Variants in AHCYL2 observed in about 807,000 individuals in gnomAD.
AHCYL2 encodes adenosylhomocysteinase like 2.
AHCYL2 carries 28 observed loss-of-function variants against 81.4 expected under a neutral mutation model. The ratio of observed to expected loss-of-function variants is 0.34; its 90% confidence interval spans 0.25 to 0.47. The LOEUF (loss-of-function observed/expected upper bound fraction) is 0.47. AHCYL2 is among the 20% of genes least tolerant of loss of function. AHCYL2 has a pLI of 1.00. For synonymous variants in AHCYL2, 272 were observed against 290.2 expected (o/e 0.94, Z 0.64); for missense variants, 551 against 785.1 (o/e 0.70, Z 3.56).
At chr7:129,330,946 T>G (rs1798398036) in intron 1 of AHCYL2, among the ~76,000 whole-genome samples, 1 of 152,138 alleles carries the variant, frequency 6.6e-6, no homozygotes, top group Non-Finnish European at 1.5e-5. Context: ...CTTGCATAAA[T>G]AAAAATGAGA....
chr7:129,322,546 G>T (rs1235777304), intron 1 of AHCYL2, among the ~76,000 whole-genome samples: 1 of 152,144 alleles, frequency 6.6e-6, no homozygotes, highest in African/African-American at 2.4e-5. Context: ...GCCTTTCAAA[G>T]TATTTGTTGA....
At chr7:129,324,201 T>C (rs1798139377) in intron 1 of AHCYL2, among the ~76,000 whole-genome samples, 1 of 152,156 alleles carries the variant, frequency 6.6e-6, no homozygotes, top group Non-Finnish European at 1.5e-5. Context: ...TTTTGATTAA[T>C]ATTAGCATAG....
chr7:129,321,714 C>T (rs1018617847), intron 1 of AHCYL2, among the ~76,000 whole-genome samples: 2 of 137,346 alleles, frequency 1.5e-5, no homozygotes, highest in East Asian at 2.1e-4. Flanking sequence ...TTTCTGGGAG[C>T]GTTTGTATGG....
intron 1 of AHCYL2, among the ~76,000 whole-genome samples, chr7:129,355,174 G>A (rs555150572): frequency 7.2e-5 from 11 of 152,224 alleles, no homozygotes; most frequent in African/African-American, 1.2e-4. Flanking sequence ...CTGTAAACAC[G>A]TGTCCTGTTC....
intron 1 of AHCYL2, chr7:129,375,712 G>A: frequency 6.9e-7 from 1 of 1,444,096 alleles, no homozygotes; most frequent in Non-Finnish European, 9.0e-7. Flanking sequence ...GGTTGTTGGA[G>A]CTGCTTCAGG....
chr7:129,259,868 G>A (rs1369845184), intron 1 of AHCYL2, among the ~76,000 whole-genome samples: 1 of 152,156 alleles, frequency 6.6e-6, no homozygotes, highest in African/African-American at 2.4e-5. Flanking sequence ...TCTGAGGTCA[G>A]GAGTTCGAGA....
intron 1 of AHCYL2, 120 bp from the exon 2 acceptor site, chr7:129,379,517 AC>A (rs1274302492): frequency 2.9e-6 from 2 of 693,520 alleles, no homozygotes; most frequent in East Asian, 5.4e-5. Flanking sequence ...AATATCCCAA[AC>A]ATAGGTTGAT....
intron 1 of AHCYL2, among the ~76,000 whole-genome samples, chr7:129,278,430 G>A (rs1038711758): frequency 4.6e-5 from 7 of 151,896 alleles, no homozygotes; most frequent in African/African-American, 1.7e-4. Flanking sequence ...ATTGAGTTTT[G>A]AGAGTTATTT....
chr7:129,306,225 T>C (rs1216227668), intron 1 of AHCYL2, among the ~76,000 whole-genome samples: 1 of 152,194 alleles, frequency 6.6e-6, no homozygotes, highest in East Asian at 1.9e-4. Flanking sequence ...AACTCTTATA[T>C]TTGCCCTTTT....
chr7:129,409,443 T>A (rs1242548306), intron 10 of AHCYL2, 33 bp from the exon 11 acceptor site: 1 of 1,592,156 alleles, frequency 6.3e-7, no homozygotes, highest in African/African-American at 1.3e-5. Flanking sequence ...CAGCTGCCTG[T>A]TTAGGTTAAT....
At chr7:129,420,766 A>C (rs911790629) in intron 12 of AHCYL2, among the ~76,000 whole-genome samples, 6 of 152,038 alleles carry the variant, frequency 3.9e-5, no homozygotes, top group African/African-American at 1.4e-4. Context: ...GATTACAGGC[A>C]TGAACCACTG....
intron 1 of AHCYL2, among the ~76,000 whole-genome samples, chr7:129,327,773 G>A (rs542435279): frequency 6.1e-4 from 92 of 151,098 alleles, no homozygotes; most frequent in African/African-American, 2.0e-3. Flanking sequence ...CAAGAAGAAA[G>A]ATATTTTAAT....
At chr7:129,283,094 T>G (rs1796506083) in intron 1 of AHCYL2, among the ~76,000 whole-genome samples, 1 of 152,134 alleles carries the variant, frequency 6.6e-6, no homozygotes, top group Admixed American at 6.5e-5. Flanking sequence ...ACTGAGTACT[T>G]AAGAGGAGCC....
intron 4 of AHCYL2, among the ~76,000 whole-genome samples, chr7:129,391,100 A>G (rs1388574749): frequency 2.0e-5 from 3 of 152,196 alleles, no homozygotes; most frequent in Admixed American, 6.5e-5. Context: ...ACAATCAGAT[A>G]TTTGTACTAT....
In AHCYL2 at chr7:129,406,353, T is replaced by A; in HGVS notation, c.1207-25T>A. The stretch of plus-strand genomic sequence containing the variant: ...TGGTTTTCTCAGTGACTTTCCTTAA[T>A]ATGTGTGCTCTCTCCCCTCTTCAGG... On this transcript the variant is annotated intron_variant, in intron 9 of 16. Transcript: ENST00000325006. This position sits in a 1 kb window ranked among gnomAD's most constrained non-coding sequence, Gnocchi z 4.3. The A allele has an allele frequency of 6.2e-7, 1 of 1,607,132 alleles. No homozygotes were observed. The highest frequency in any genetic ancestry group is 2.2e-5 in the East Asian group (1 of 44,852).
At chr7:129,228,190 T>A (rs1276381912) in intron 1 of AHCYL2, among the ~76,000 whole-genome samples, 1 of 152,212 alleles carries the variant, frequency 6.6e-6, no homozygotes, top group Non-Finnish European at 1.5e-5. Context: ...TGGTGACTGT[T>A]GCATTTGTTT....
intron 1 of AHCYL2, among the ~76,000 whole-genome samples, chr7:129,312,230 G>A (rs563448902): frequency 2.5e-4 from 38 of 152,234 alleles, no homozygotes; most frequent in African/African-American, 7.2e-4. Flanking sequence ...GACCACAAGC[G>A]TTCACCACCA....
In AHCYL2 at chr7:129,428,222, C is replaced by T. The variant is rs1479432033; in HGVS notation, c.*1177C>T. On this transcript the variant is annotated 3_prime_UTR_variant, in exon 17 of 17. Transcript: ENST00000325006. Reference sequence around the variant, plus strand: ...CTTTGGCCATTGCCATGGATGAAACCGAGATCTGCAGTCTGATCTGTGGAC... The same window carrying T: ...CTTTGGCCATTGCCATGGATGAAACTGAGATCTGCAGTCTGATCTGTGGAC... The T allele has an allele frequency of 2.0e-5, 3 of 152,198 alleles. No homozygotes were observed. The highest frequency in any genetic ancestry group is 7.2e-5 in the African/African-American group (3 of 41,444). 9.4% of individuals were successfully genotyped at this position (152,198 alleles called of 1,614,324 possible).
chr7:129,347,888 A>C (rs966909766), intron 1 of AHCYL2, among the ~76,000 whole-genome samples: 2 of 152,176 alleles, frequency 1.3e-5, no homozygotes, highest in Non-Finnish European at 2.9e-5. Context: ...TTCATACTTG[A>C]AAGCTTTTCA....
Sources: gnomAD v4.1 joint callset for allele counts (sites outside exome capture counted in the v4.1 genomes callset) on GRCh38, gnomAD v4.1.1 for gene constraint, Gnocchi (gnomAD v3.1) non-coding constraint, MANE v1.5 for transcripts, NCBI Gene and HGNC (gene_info 2026-07-23, HGNC 2026-07-21) for gene names.